Variants in ATP11B observed in about 807,000 individuals in gnomAD.
The protein encoded by ATP11B is phospholipid-transporting ATPase IF.
A neutral mutation model predicts 157.8 loss-of-function variants in ATP11B; 81 were observed. The observed-to-expected ratio is 0.51, with a 90% CI of 0.43 to 0.62. ATP11B has a LOEUF of 0.62. ATP11B is among the 20% of genes least tolerant of loss of function. The pLI, the probability that ATP11B is intolerant of heterozygous loss-of-function variation, is 0.00. For missense variants in ATP11B, 1,165 were observed against 1,402.2 expected (o/e 0.83, Z 2.70); for synonymous variants, 451 against 469.4 (o/e 0.96, Z 0.51).
intron 28 of ATP11B, among the ~76,000 whole-genome samples, chr3:182,904,337 G>A (rs1437044020): frequency 6.6e-6 from 1 of 152,216 alleles, no homozygotes; most frequent in Non-Finnish European, 1.5e-5. Flanking sequence ...TGAGAAAACA[G>A]TTACTCACAT....
chr3:182,849,647 C>A (rs998086673), intron 10 of ATP11B, among the ~76,000 whole-genome samples: 1 of 152,078 alleles, frequency 6.6e-6, no homozygotes, highest in Non-Finnish European at 1.5e-5. Flanking sequence ...GGTCTCAACA[C>A]CAGACTGAAT....
intron 2 of ATP11B, among the ~76,000 whole-genome samples, chr3:182,825,115 AGC>A (rs1472616622): frequency 2.0e-5 from 3 of 152,170 alleles, no homozygotes. Context: ...TATCTCACAA[AGC>A]CATGATGAGC....
At chr3:182,893,170 T>C (rs1313960684) in intron 25 of ATP11B, among the ~76,000 whole-genome samples, 1 of 152,242 alleles carries the variant, frequency 6.6e-6, no homozygotes, top group African/African-American at 2.4e-5. Context: ...TTGAGTAATC[T>C]TTTTATTTTT....
intron 29 of ATP11B, chr3:182,914,610 C>G: frequency 1.0e-6 from 1 of 985,224 alleles, no homozygotes. Context: ...TTAGAACAGG[C>G]TTTTTAAATT....
intron 20 of ATP11B, 118 bp from the exon 21 acceptor site, chr3:182,880,760 TA>T (rs2108559471): frequency 4.1e-6 from 2 of 492,154 alleles, no homozygotes; most frequent in South Asian, 1.3e-4. Context: ...TATTGTCTAA[TA>T]AAAAATTAAA....
intron 7 of ATP11B, among the ~76,000 whole-genome samples, chr3:182,840,449 C>T (rs1718918242): frequency 6.6e-6 from 1 of 152,158 alleles, no homozygotes; most frequent in Non-Finnish European, 1.5e-5. Flanking sequence ...TGCTGACTGT[C>T]GGATTTATTT....
At chr3:182,824,463 C>T (rs2108501654) in intron 2 of ATP11B, among the ~76,000 whole-genome samples, 1 of 152,312 alleles carries the variant, frequency 6.6e-6, no homozygotes, top group South Asian at 2.1e-4. Flanking sequence ...AAATTAAACT[C>T]TCTTCCCGTT....
chr3:182,813,665 C>T (rs1196309324), intron 1 of ATP11B, among the ~76,000 whole-genome samples: 5 of 152,104 alleles, frequency 3.3e-5, no homozygotes, highest in Admixed American at 3.3e-4. Flanking sequence ...AAATTTTTTC[C>T]ATTTCCAAAT....
intron 4 of ATP11B, among the ~76,000 whole-genome samples, chr3:182,830,540 A>G (rs1204432704): frequency 6.6e-6 from 1 of 152,176 alleles, no homozygotes; most frequent in African/African-American, 2.4e-5. Flanking sequence ...ACTTCTCAAA[A>G]AGGTCTTGGC....
In ATP11B at chr3:182,848,503, C is replaced by A; in HGVS notation, c.797C>A (p.Thr266Asn). 1 of 1,579,474 alleles carries A rather than the reference C, an allele frequency of 6.3e-7. No homozygotes were observed. The highest frequency in any genetic ancestry group is 1.2e-5 in the South Asian group (1 of 83,418). Residue 266 changes from threonine (T) to asparagine (N), a missense_variant, in exon 10 of 30, where the codon ACT becomes AAT. Physicochemically the swap from Thr to Asn is moderately conservative, Grantham distance 65. Transcript: ENST00000323116. The part of the protein sequence containing the change: ...FGVAVYTGME[T>N]KMALNYKSKS... ...GTTGCGGTATACACTGGAATGGAAACTAAGATGGCATTAAATTACAAGAGC... is the reference window on the plus strand; with the variant it reads ...GTTGCGGTATACACTGGAATGGAAAATAAGATGGCATTAAATTACAAGAGC...
intron 1 of ATP11B, among the ~76,000 whole-genome samples, chr3:182,795,570 G>A (rs1359888193): frequency 2.0e-5 from 3 of 152,204 alleles, no homozygotes; most frequent in East Asian, 1.9e-4. Context: ...TGGTTAACGA[G>A]TTGAACAAGT....
At chr3:182,812,369 C>T (rs1216633745) in intron 1 of ATP11B, among the ~76,000 whole-genome samples, 3 of 152,070 alleles carry the variant, frequency 2.0e-5, no homozygotes, top group Admixed American at 6.5e-5. Flanking sequence ...TATTTTTACC[C>T]GTTTATCTCC....
intron 12 of ATP11B, among the ~76,000 whole-genome samples, chr3:182,864,775 T>A (rs900537509): frequency 2.0e-5 from 3 of 152,140 alleles, no homozygotes; most frequent in Non-Finnish European, 4.4e-5. Flanking sequence ...TTCATGATGA[T>A]CCTGGTTGGA....
intron 28 of ATP11B, among the ~76,000 whole-genome samples, chr3:182,911,275 C>CCCCG (rs1553826102): frequency 2.5e-5 from 3 of 121,306 alleles, no homozygotes; most frequent in African/African-American, 9.9e-5. Context: ...TGAAATGCCC[C>CCCCG]CCCCCGCTAA....
At chr3:182,914,905 A>G in intron 29 of ATP11B, 1 of 985,410 alleles carries the variant, frequency 1.0e-6, no homozygotes, top group Non-Finnish European at 1.2e-6. Flanking sequence ...AGTACACGGT[A>G]TGCATGGAGG....
chr3:182,810,264 G>T (rs978988292), intron 1 of ATP11B, among the ~76,000 whole-genome samples: 10 of 151,984 alleles, frequency 6.6e-5, no homozygotes, highest in African/African-American at 2.4e-4. Context: ...CCCAGGAGGT[G>T]GAGGTTGCAG....
chr3:182,797,188 C>CATT (rs781761581), intron 1 of ATP11B, among the ~76,000 whole-genome samples: 80 of 152,258 alleles, frequency 5.3e-4, no homozygotes, highest in Admixed American at 9.2e-4. Context: ...CATCAGTTAT[C>CATT]ATTAGTATGT....
intron 25 of ATP11B, among the ~76,000 whole-genome samples, chr3:182,891,644 G>C (rs1263460287): frequency 2.0e-5 from 3 of 152,092 alleles, no homozygotes; most frequent in African/African-American, 7.2e-5. Context: ...ATAAAATCTT[G>C]AACATTCTTT....
At position 182,872,368 on chromosome 3, in the gene ATP11B, A is replaced by G; in HGVS notation, c.1879A>G (p.Thr627Ala). ...VDEFALKGLR[T>A]LCIAYRKFTS... is the part of the protein sequence containing the mutation. ...TTGTTTGTTTTAGAAAGGGCTAAGA[A>G]CTCTGTGTATAGCATATAGAAAATT... Residue 627 changes from threonine (T) to alanine (A), a missense_variant, in exon 18 of 30, where the codon ACT becomes GCT. Around this residue, in one of 4 missense-constraint regions of ATP11B, gnomAD observed 737 missense variants for 930.5 expected, o/e 0.79. Coordinates refer to ENST00000323116, the MANE Select transcript of ATP11B (RefSeq NM_014616.3). 6.3e-7 allele frequency: 1 copy of G among 1,583,124 alleles called. No homozygotes were observed. Among genetic ancestry groups the G allele is most frequent in the Non-Finnish European group, 8.6e-7 (1 of 1,165,156 alleles).
Sources: gnomAD v4.1 joint callset for allele counts (sites outside exome capture counted in the v4.1 genomes callset) on GRCh38, gnomAD v4.1.1 for gene constraint, gnomAD v4.1.1 regional missense constraint, MANE v1.5 for transcripts, NCBI Gene and HGNC (gene_info 2026-07-23, HGNC 2026-07-21) for gene names.